The following IARS1 variants were observed in gnomAD, a reference collection of about 807,000 sequenced individuals.
IARS1 encodes isoleucyl-tRNA synthetase 1.
Under a neutral mutation model 168.2 loss-of-function variants are expected in IARS1, and 124 were observed. The observed-to-expected ratio is 0.74, with a 90% confidence interval of 0.64 to 0.86. IARS1 has a LOEUF of 0.86. IARS1 is among the 40% of genes least tolerant of loss of function. The pLI is 0.00. For missense variants in IARS1, 1,452 were observed against 1,515.8 expected, an observed-to-expected ratio of 0.96 and a Z score of 0.70; for synonymous variants, 532 against 529.4, an observed-to-expected ratio of 1.00 and a Z score of -0.07.
chr9:92,258,584 C>T (rs1195226656), intron 19 of IARS1, among the ~76,000 whole-genome samples: 3 of 150,828 alleles, frequency 2.0e-5, no homozygotes, highest in Non-Finnish European at 4.4e-5. Context: ...GACTGAGACT[C>T]CACCTCAAAA....
chr9:92,231,677 A>C (rs1345133914), intron 30 of IARS1, among the ~76,000 whole-genome samples: 1 of 150,812 alleles, frequency 6.6e-6, no homozygotes, highest in East Asian at 1.9e-4. Flanking sequence ...ATCTGCCTGC[A>C]TCGGCCTCCA....
Position 92,229,113 on chromosome 9 carries a change from G to A in IARS1, c.3297C>T (p.Leu1099=), listed in dbSNP as rs1287676848. The change falls in exon 31 of 34, where the codon CTC becomes CTT. Residue 1099 remains leucine, a synonymous_variant. Transcript: ENST00000443024. The part of the protein sequence containing the change: ...ANGSEQGGVL[L]LENPKGDNRL... ...TATTGTCACCTTTTGGATTTTCCAGGAGCAATACTCCACCTAAAAAGCCAC... is the reference window on the plus strand; with the variant it reads ...TATTGTCACCTTTTGGATTTTCCAGAAGCAATACTCCACCTAAAAAGCCAC... 1.9e-6 allele frequency: 3 copies of A among 1,613,286 alleles called. No individual in the cohort carries two copies. Among genetic ancestry groups the A allele is most frequent in the Admixed American group, 1.7e-5 (1 of 59,932 alleles).
At chr9:92,278,464 A>C (rs1167281928) in intron 7 of IARS1, among the ~76,000 whole-genome samples, 178 bp from the exon 8 acceptor site, 3 of 152,220 alleles carry the variant, frequency 2.0e-5, no homozygotes, top group Non-Finnish European at 4.4e-5. Flanking sequence ...CCCAAACATG[A>C]AAATGACAAA....
In IARS1 at chr9:92,249,887, T is replaced by TA. The variant is rs932022371; in HGVS notation, c.2586dup (p.Ile863TyrfsTer10). The TA allele has an allele frequency of 6.2e-7, 1 of 1,603,544 alleles. No individual in the cohort carries two copies. Among genetic ancestry groups the TA allele is most frequent in the Non-Finnish European group, 8.5e-7 (1 of 1,171,024 alleles). On this transcript the variant is annotated frameshift_variant, in exon 25 of 34. Coordinates refer to ENST00000443024, the MANE Select transcript of IARS1 (RefSeq NM_002161.6). LOFTEE classifies it high-confidence loss of function. ...ATGATATACTTCTCCAAAGACTTGA[T>TA]ATCTTTAAGAGCTTCTGGATCTTGA...
intron 20 of IARS1, among the ~76,000 whole-genome samples, chr9:92,255,205 C>T (rs1830551772): frequency 6.6e-6 from 1 of 152,160 alleles, no homozygotes; most frequent in Non-Finnish European, 1.5e-5. Context: ...TGGACAAATC[C>T]TGTAGCAGTC....
At chr9:92,229,692 A>G (rs1564160501) in intron 30 of IARS1, among the ~76,000 whole-genome samples, 2 of 152,228 alleles carry the variant, frequency 1.3e-5, no homozygotes, top group Non-Finnish European at 2.9e-5. Context: ...GTAGTGAGAT[A>G]CCACAGGCCC....
chr9:92,234,317 G>A (rs1255247320), intron 30 of IARS1, among the ~76,000 whole-genome samples: 1 of 152,204 alleles, frequency 6.6e-6, no homozygotes, highest in Non-Finnish European at 1.5e-5. Flanking sequence ...ATTTAGCGAT[G>A]ATTTGTATGG....
In IARS1 at chr9:92,292,821, G is replaced by C. The variant is rs1407876712; in HGVS notation, c.-8+790C>G. ...TATTATTTTGCCTCAATATATTTTA[G>C]AAACGCACACTAAAACCATGTTTTG... is the stretch of plus-strand genomic sequence containing the variant. On this transcript the variant is annotated intron_variant, in intron 1 of 33. Transcript: ENST00000443024. Among the ~76,000 whole-genome samples the C allele has an allele frequency of 3.9e-5, 6 of 152,094 alleles. No individual in the cohort carries two copies. In the South Asian group the frequency reaches 1.2e-3, roughly 32 times the overall value.
intron 25 of IARS1, 85 bp downstream of exon 25, chr9:92,249,773 G>A: frequency 1.5e-6 from 1 of 648,444 alleles, no homozygotes; most frequent in Non-Finnish European, 2.7e-6. Flanking sequence ...ATAAATTATA[G>A]AGTCAATATG....
chr9:92,244,520 A>G (rs537786104), intron 27 of IARS1, among the ~76,000 whole-genome samples: 1 of 143,670 alleles, frequency 7.0e-6, no homozygotes, highest in African/African-American at 2.8e-5. Flanking sequence ...TTGATCCTGG[A>G]ATCTAAAACA....
At chr9:92,247,128 A>C (rs929892755) in intron 26 of IARS1, among the ~76,000 whole-genome samples, 3 of 152,156 alleles carry the variant, frequency 2.0e-5, no homozygotes, top group African/African-American at 7.2e-5. Context: ...TGGGAGGCAG[A>C]GGTTGCAGTG....
intron 31 of IARS1, among the ~76,000 whole-genome samples, chr9:92,227,166 T>G (rs1210476180): frequency 3.6e-5 from 5 of 138,986 alleles, no homozygotes; most frequent in Admixed American, 7.2e-5. Flanking sequence ...AGAATTTTTC[T>G]TAGTACAGAA....
chr9:92,275,166 T>C (rs1272583468), intron 9 of IARS1, among the ~76,000 whole-genome samples: 1 of 152,268 alleles, frequency 6.6e-6, no homozygotes, highest in Non-Finnish European at 1.5e-5. Flanking sequence ...AAACTGGCCC[T>C]TTGATGTCCT....
intron 21 of IARS1, among the ~76,000 whole-genome samples, chr9:92,252,099 A>G (rs1830082511): frequency 6.6e-6 from 1 of 152,168 alleles, no homozygotes; most frequent in Non-Finnish European, 1.5e-5. Context: ...CCTGGCCAGG[A>G]TGTGCACCTG....
At chr9:92,250,395 G>A (rs568807682) in intron 23 of IARS1, 106 bp from the exon 24 acceptor site, 29 of 767,384 alleles carry the variant, frequency 3.8e-5, no homozygotes, top group Admixed American at 1.5e-4. Context: ...GAGAAGTGTG[G>A]CTAGGCCCTC....
chr9:92,255,055 GA>G (rs1830531505), intron 20 of IARS1, among the ~76,000 whole-genome samples: 1 of 152,164 alleles, frequency 6.6e-6, no homozygotes, highest in South Asian at 2.1e-4. Flanking sequence ...ACACAGGTGT[GA>G]GCATGTCTGG....
In IARS1 at chr9:92,283,904, G is replaced by C. The variant is rs148274914; in HGVS notation, c.597+1818C>G. Among the ~76,000 whole-genome samples the C allele has an allele frequency of 3.0e-3, 458 of 152,314 alleles. 2 individuals carry two copies. Among genetic ancestry groups the C allele is most frequent in the African/African-American group, 0.01 (428 of 41,556 alleles). On this transcript the variant is annotated intron_variant, in intron 6 of 33. Coordinates refer to ENST00000443024, the MANE Select transcript of IARS1 (RefSeq NM_002161.6). The stretch of plus-strand genomic sequence containing the variant: ...AAATAAAAACTATTAAAGGTGGCTA[G>C]GTGCAGTGGCTGACACCTGTAATCC...
intron 30 of IARS1, among the ~76,000 whole-genome samples, chr9:92,237,807 C>T (rs1179833099): frequency 6.6e-6 from 1 of 152,100 alleles, no homozygotes; most frequent in Non-Finnish European, 1.5e-5. Flanking sequence ...ATTTTTCTAC[C>T]CTTTTACTTT....
At chr9:92,291,508 G>A (rs935424237) in intron 1 of IARS1, among the ~76,000 whole-genome samples, 1 of 152,062 alleles carries the variant, frequency 6.6e-6, no homozygotes, top group African/African-American at 2.4e-5. Context: ...GAAAAAACAG[G>A]ACAAGAACAG....
Sources: allele counts gnomAD v4.1 joint callset (sites outside exome capture counted in the v4.1 genomes callset), GRCh38; gene constraint gnomAD v4.1.1; transcripts MANE v1.5; gene names NCBI Gene and HGNC (gene_info 2026-07-23, HGNC 2026-07-21).